STON2: variants seen among roughly 807,000 people sequenced by gnomAD.
STON2 encodes the protein stonin-2.
A neutral mutation model predicts 65.7 loss-of-function variants in STON2; 29 were observed. The ratio of observed to expected loss-of-function variants is 0.44; its 90% confidence interval spans 0.33 to 0.60. The LOEUF (loss-of-function observed/expected upper bound fraction) is 0.60. Ranked by LOEUF, STON2 falls within the 20% of genes least tolerant of loss-of-function variation. The pLI, the probability that STON2 is intolerant of heterozygous loss-of-function variation, is 0.03. For synonymous variants in STON2, 404 were observed against 414.2 expected, an observed-to-expected ratio of 0.98 and a Z score of 0.30; for missense variants, 1,054 against 1,118.1, an observed-to-expected ratio of 0.94 and a Z score of 0.82.
chr14:81,309,666 A>G (rs1896347100), intron 5 of STON2, among the ~76,000 whole-genome samples: 1 of 152,196 alleles, frequency 6.6e-6, no homozygotes. Flanking sequence ...TGTTTTGATC[A>G]TGATTATGTA....
At chr14:81,403,937 T>C (rs1167253947), upstream of STON2, among the ~76,000 whole-genome samples, 2 of 152,178 alleles carry the variant, frequency 1.3e-5, no homozygotes, top group South Asian at 2.1e-4. Context: ...CAAATTATAA[T>C]GAAATTATTT....
intron 5 of STON2, among the ~76,000 whole-genome samples, chr14:81,310,709 T>C (rs1037101090): frequency 4.6e-5 from 7 of 152,216 alleles, no homozygotes; most frequent in African/African-American, 1.7e-4. Flanking sequence ...CGCTGCTGCA[T>C]TGCACTGACA....
chr14:81,350,094 G>A (rs946239187), intron 4 of STON2, among the ~76,000 whole-genome samples: 1 of 152,076 alleles, frequency 6.6e-6, no homozygotes, highest in Admixed American at 6.6e-5. Context: ...AGAGAGGTTG[G>A]TTAATGGGTA....
At chr14:81,365,509 A>C (rs1331160770) in intron 4 of STON2, among the ~76,000 whole-genome samples, 1 of 152,150 alleles carries the variant, frequency 6.6e-6, no homozygotes, top group Admixed American at 6.5e-5. Context: ...TAATCTCAGC[A>C]CTTTGGGAGG....
chr14:81,319,728 A>G (rs1372049139), intron 5 of STON2, among the ~76,000 whole-genome samples: 1 of 152,220 alleles, frequency 6.6e-6, no homozygotes, highest in African/African-American at 2.4e-5. Context: ...ATCTACAGAT[A>G]TTTGATTGAA....
intron 3 of STON2, among the ~76,000 whole-genome samples, chr14:81,383,283 T>C (rs1899623070): frequency 6.6e-6 from 1 of 152,190 alleles, no homozygotes; most frequent in Non-Finnish European, 1.5e-5. Context: ...TTCTCACCTG[T>C]AAAATGGAGC....
Position 81,398,425 on chromosome 14 carries a change from G to A in STON2, c.-43C>T. ...CATCTTCACACTGCTGACCTCAGGT[G>A]AACCCCAGAATACTGTCTGGGGTGG... On this transcript the variant is annotated 5_prime_UTR_variant, in exon 2 of 8. Transcript: ENST00000614646. The A allele has an allele frequency of 6.6e-7, 1 of 1,514,480 alleles. No individual in the cohort carries two copies. Among genetic ancestry groups the A allele is most frequent in the Middle Eastern group, 1.7e-4 (1 of 5,856 alleles). The allele number at this position is 1,514,480 out of a possible 1,614,324, so 93.8% of individuals were successfully genotyped here.
intron 4 of STON2, among the ~76,000 whole-genome samples, chr14:81,346,787 G>A (rs780819596): frequency 3.9e-5 from 6 of 152,102 alleles, no homozygotes; most frequent in Non-Finnish European, 8.8e-5. Flanking sequence ...TGGAAACAAA[G>A]CAAATACATG....
At chr14:81,372,665 A>G (rs1193576832) in intron 3 of STON2, among the ~76,000 whole-genome samples, 2 of 152,000 alleles carry the variant, frequency 1.3e-5, no homozygotes, top group African/African-American at 4.8e-5. Flanking sequence ...AACAAGAGAA[A>G]CTACCATGTA....
At chr14:81,421,596 TG>T (rs1158716104) in intron 2 of STON2, among the ~76,000 whole-genome samples, 2 of 152,092 alleles carry the variant, frequency 1.3e-5, no homozygotes, top group African/African-American at 4.8e-5. Flanking sequence ...TATCAAGATA[TG>T]GGGATAGAAT....
At chr14:81,273,896 T>C (rs1412287049) in intron 6 of STON2, among the ~76,000 whole-genome samples, 1 of 152,186 alleles carries the variant, frequency 6.6e-6, no homozygotes, top group Non-Finnish European at 1.5e-5. Flanking sequence ...AGCTGAGCCC[T>C]AGCTTCCTTA....
At chr14:81,429,997 T>C (rs73344126) in intron 1 of STON2, among the ~76,000 whole-genome samples, 2,824 of 152,038 alleles carry the variant, frequency 0.019, 103 homozygotes, top group African/African-American at 0.065. Context: ...CTTGACCCCT[T>C]TACTTCAGAT....
At chr14:81,372,282 G>A (rs3825606) in intron 3 of STON2, among the ~76,000 whole-genome samples, 26,635 of 151,936 alleles carry the variant, frequency 0.18, 2,991 homozygotes, top group East Asian at 0.44. Flanking sequence ...GGCCGGGCAC[G>A]GTGGCTCACG....
intron 3 of STON2, among the ~76,000 whole-genome samples, chr14:81,387,917 C>T (rs1899892071): frequency 6.9e-6 from 1 of 145,620 alleles, no homozygotes; most frequent in Non-Finnish European, 1.5e-5. Flanking sequence ...TTGTCACTCT[C>T]ATTTTATTTT....
intron 4 of STON2, among the ~76,000 whole-genome samples, chr14:81,331,941 G>A (rs1897231921): frequency 6.6e-6 from 1 of 152,226 alleles, no homozygotes; most frequent in Non-Finnish European, 1.5e-5. Flanking sequence ...CTGTCTGAGA[G>A]AAACTGATTT....
At chr14:81,383,189 C>G (rs1899618138) in intron 3 of STON2, among the ~76,000 whole-genome samples, 1 of 152,152 alleles carries the variant, frequency 6.6e-6, no homozygotes. Context: ...GATCAGGGAC[C>G]CTGGATCCAG....
intron 2 of STON2, among the ~76,000 whole-genome samples, chr14:81,421,695 A>G (rs1211527126): frequency 6.6e-6 from 1 of 152,206 alleles, no homozygotes; most frequent in East Asian, 1.9e-4. Flanking sequence ...TTTTTGTACC[A>G]TTTGCCAAGA....
chr14:81,340,865 T>A (rs1897581634), intron 4 of STON2, among the ~76,000 whole-genome samples: 1 of 151,342 alleles, frequency 6.6e-6, no homozygotes, highest in Non-Finnish European at 1.5e-5. Context: ...TATATCAATA[T>A]ATACTATATA....
rs573314702 is a variant in STON2, at chr14:81,352,063, A to G, written c.571+18925T>C. On this transcript the variant is annotated intron_variant, in intron 4 of 7. Coordinates refer to ENST00000614646, the MANE Select transcript of STON2 (RefSeq NM_001394390.1). ...TTAAAATACTTATCTAATATTAAAA[A>G]CTAACTTCATGAGTTTCTGATATAA... 5.3e-5 allele frequency among the ~76,000 whole-genome samples: 8 copies of G among 152,290 alleles called. No homozygotes were observed. The East Asian group carries it at 1.5e-3, about 29-fold the overall frequency.
Sources: allele counts gnomAD v4.1 joint callset (sites outside exome capture counted in the v4.1 genomes callset), GRCh38; gene constraint gnomAD v4.1.1; transcripts MANE v1.5; gene names NCBI Gene and HGNC (gene_info 2026-07-23, HGNC 2026-07-21).